RAB4B: variants seen among roughly 807,000 people sequenced by gnomAD.
The protein encoded by RAB4B is ras-related protein Rab-4B.
RAB4B carries 15 observed loss-of-function variants against 28.3 expected under a neutral mutation model. That is an observed-to-expected ratio of 0.53 (90% CI 0.35 to 0.82). The LOEUF is 0.82. Among genes scored for constraint, RAB4B ranks in the 40% least tolerant of loss-of-function variants. The pLI, the probability that RAB4B is intolerant of heterozygous loss-of-function variation, is 0.01. For missense variants in RAB4B, 244 were observed against 288.5 expected (o/e 0.85, Z 1.12); for synonymous variants, 108 against 116.3 (o/e 0.93, Z 0.46).
chr19:40,780,557 G>C, intron 3 of RAB4B, 58 bp downstream of exon 3: 1 of 1,446,110 alleles, frequency 6.9e-7, no homozygotes, highest in South Asian at 1.2e-5. Flanking sequence ...GAAAGAGAGA[G>C]ATGTGTGTGT....
rs774290708 is a variant in RAB4B at position 40,784,127 on chromosome 19, G to T, written c.430+52G>T. 2.6e-6 allele frequency: 4 copies of T among 1,533,594 alleles called. No individual in the cohort carries two copies. In the South Asian group the frequency reaches 4.9e-5, roughly 19 times the overall value. 95.0% of individuals were successfully genotyped at this position (1,533,594 alleles called of 1,614,324 possible). ...GTGGTGGGGGTGGACAGTCCACAGG[G>T]ACCATGGGTTTACTGGCTCTCAGTG... On this transcript the variant is annotated intron_variant, in intron 5 of 7. Transcript: ENST00000357052.
chr19:40,787,262 C>T (rs570715606), intron 7 of RAB4B, among the ~76,000 whole-genome samples: 48 of 152,090 alleles, frequency 3.2e-4, no homozygotes, highest in Admixed American at 7.9e-4. Flanking sequence ...AGGCCTGGCT[C>T]GGTGGCTTAT....
intron 1 of RAB4B, chr19:40,779,404 A>T (rs1249062075): frequency 6.5e-6 from 1 of 154,926 alleles, no homozygotes; most frequent in African/African-American, 2.4e-5. Flanking sequence ...AGACCTTTAG[A>T]ACTGTTCCTG....
chr19:40,790,484 C>A (rs1450709924), intron 7 of RAB4B, among the ~76,000 whole-genome samples: 1 of 150,870 alleles, frequency 6.6e-6, no homozygotes. Context: ...CATTCTCCTG[C>A]CTCAGCCTCC....
intron 7 of RAB4B, chr19:40,794,689 T>C (rs2083191598): frequency 6.6e-6 from 1 of 152,050 alleles, no homozygotes. Flanking sequence ...TAAAAGATAC[T>C]GATGCCCAGG....
chr19:40,794,582 C>G (rs2083190540), intron 7 of RAB4B: 1 of 151,878 alleles, frequency 6.6e-6, no homozygotes, highest in Non-Finnish European at 1.5e-5. Flanking sequence ...ATTTGCCGTT[C>G]TGTGCTATTC....
intron 7 of RAB4B, among the ~76,000 whole-genome samples, chr19:40,787,488 T>C (rs2083111798): frequency 1.3e-5 from 2 of 149,024 alleles, no homozygotes; most frequent in Non-Finnish European, 3.0e-5. Flanking sequence ...TGAGCTGAGA[T>C]CACACCATTG....
Position 40,784,079 on chromosome 19 carries a change from A to G in RAB4B, c.430+4A>G. 6.2e-7 allele frequency: 1 copy of G among 1,603,552 alleles called. No homozygotes were observed. The highest frequency in any genetic ancestry group is 8.5e-7 in the Non-Finnish European group (1 of 1,172,214). ...TCCCGCTTTGCCCAGGAGAATGGTG[A>G]GGGCTGTGTCGTGGACCAGGTGGTG... On this transcript the variant is annotated splice_donor_region_variant and intron_variant, in intron 5 of 7. Transcript: ENST00000357052.
chr19:40,793,903 G>T (rs1171167868), intron 7 of RAB4B, among the ~76,000 whole-genome samples: 1 of 151,434 alleles, frequency 6.6e-6, no homozygotes, highest in Non-Finnish European at 1.5e-5. Flanking sequence ...CAGCCTGGGC[G>T]ACAGAGCTAG....
At chr19:40,783,355 T>C (rs555322178) in intron 3 of RAB4B, among the ~76,000 whole-genome samples, 113 of 151,444 alleles carry the variant, frequency 7.5e-4, no homozygotes, top group African/African-American at 2.6e-3. Flanking sequence ...GATCTCTCCG[T>C]TGGGATACTG....
chr19:40,790,532 G>A (rs917010968), intron 7 of RAB4B, among the ~76,000 whole-genome samples: 5 of 148,128 alleles, frequency 3.4e-5, no homozygotes, highest in Admixed American at 6.8e-5. Context: ...CACCATGCCC[G>A]GCTAATTTTT....
chr19:40,778,425 C>T (rs574451692), intron 1 of RAB4B, 34 bp downstream of exon 1: 3 of 1,435,740 alleles, frequency 2.1e-6, no homozygotes, highest in South Asian at 1.5e-5. Flanking sequence ...GGTCCTGGGT[C>T]TGGGCCCAGG....
At chr19:40,786,313 G>A (rs536552592) in intron 5 of RAB4B, 168 of 346,944 alleles carry the variant, frequency 4.8e-4, no homozygotes, top group African/African-American at 3.1e-3. Flanking sequence ...GGTGGGATGG[G>A]GACCCAGGCA....
intron 3 of RAB4B, among the ~76,000 whole-genome samples, chr19:40,782,073 G>A (rs2083054530): frequency 6.6e-6 from 1 of 151,112 alleles, no homozygotes; most frequent in African/African-American, 2.4e-5. Flanking sequence ...AGAGCAGGGA[G>A]AGAAATAGAG....
At chr19:40,793,181 C>G (rs2083175024) in intron 7 of RAB4B, among the ~76,000 whole-genome samples, 3 of 152,110 alleles carry the variant, frequency 2.0e-5, no homozygotes, top group Admixed American at 2.0e-4. Context: ...TTCCCCCAAC[C>G]CCTAGCAACC....
chr19:40,787,615 C>T (rs1308392321), intron 7 of RAB4B, among the ~76,000 whole-genome samples: 1 of 130,816 alleles, frequency 7.6e-6, no homozygotes, highest in African/African-American at 2.6e-5. Flanking sequence ...GGGGAGAGGC[C>T]CAGGGGGGTC....
chr19:40,793,572 G>GTTTTTTTTTTT (rs373163247), intron 7 of RAB4B, among the ~76,000 whole-genome samples: 2 of 125,412 alleles, frequency 1.6e-5, no homozygotes, highest in African/African-American at 3.2e-5. Context: ...TTTCTTTTTT[G>GTTTTTTTTTTT]TTTTTTTTTT....
At chr19:40,785,375 G>C (rs1032141511) in intron 5 of RAB4B, among the ~76,000 whole-genome samples, 1 of 151,386 alleles carries the variant, frequency 6.6e-6, no homozygotes, top group Non-Finnish European at 1.5e-5. Flanking sequence ...CCTGGGTGTG[G>C]TGGTATGTGC....
intron 5 of RAB4B, among the ~76,000 whole-genome samples, chr19:40,785,035 G>A (rs965986940): frequency 3.3e-5 from 5 of 151,802 alleles, no homozygotes; most frequent in African/African-American, 9.7e-5. Flanking sequence ...GGCTGATCTC[G>A]AACTCCTGAC....
Sources: allele counts gnomAD v4.1 joint callset (sites outside exome capture counted in the v4.1 genomes callset), GRCh38; gene constraint gnomAD v4.1.1; transcripts MANE v1.5; gene names NCBI Gene and HGNC (gene_info 2026-07-23, HGNC 2026-07-21).